The following TMEM245 variants were observed in gnomAD, a reference collection of about 807,000 sequenced individuals.
The protein encoded by TMEM245 is protein CG-2.
Under a neutral mutation model 101.2 loss-of-function variants are expected in TMEM245, and 69 were observed. That is an observed-to-expected ratio of 0.68 (90% CI 0.56 to 0.83). The LOEUF (loss-of-function observed/expected upper bound fraction) is 0.83. Among genes scored for constraint, TMEM245 ranks in the 40% least tolerant of loss-of-function variants. The probability of loss-of-function intolerance (pLI) is 0.00; values close to 1 mark genes in which losing one functional copy is unlikely to be tolerated. For missense variants in TMEM245, 1,075 were observed against 1,092.8 expected (o/e 0.98, Z 0.23); for synonymous variants, 537 against 449.8 (o/e 1.19, Z -2.45).
Position 109,119,941 on chromosome 9 carries a change from G to T in TMEM245, c.-28C>A. ...TTCCTCCGCCACAGCCGCCCCCGAG[G>T]GGCGGTAATGGGAGTCGGGCTAGAA... On this transcript the variant is annotated 5_prime_UTR_variant, in exon 1 of 18. Coordinates refer to ENST00000374586, the MANE Select transcript of TMEM245 (RefSeq NM_032012.4). The T allele has an allele frequency of 1.5e-6, 2 of 1,291,748 alleles. No individual in the cohort carries two copies. Among genetic ancestry groups the T allele is most frequent in the South Asian group, 3.1e-5 (1 of 32,666 alleles). The allele number at this position is 1,291,748 out of a possible 1,614,324, so 80.0% of individuals were successfully genotyped here. A position where few individuals can be genotyped will look rare whatever the true frequency, so the allele number is the denominator to read the frequency against.
intron 3 of TMEM245, among the ~76,000 whole-genome samples, chr9:109,103,624 A>G (rs1411304241): frequency 6.6e-6 from 1 of 152,190 alleles, no homozygotes; most frequent in Non-Finnish European, 1.5e-5. Context: ...AGTGAGACAA[A>G]CTAGGCACAG....
chr9:109,069,333 G>A (rs1365901333), intron 9 of TMEM245, among the ~76,000 whole-genome samples: 1 of 152,104 alleles, frequency 6.6e-6, no homozygotes, highest in Non-Finnish European at 1.5e-5. Flanking sequence ...CTGAGGCTGA[G>A]CCCTAGAGGA....
intron 3 of TMEM245, among the ~76,000 whole-genome samples, chr9:109,099,400 T>A (rs999519923): frequency 6.6e-6 from 1 of 152,212 alleles, no homozygotes; most frequent in Admixed American, 6.5e-5. Context: ...CTATCAGGAT[T>A]CATCTCTGCA....
At chr9:109,102,830 G>C (rs917707328) in intron 3 of TMEM245, among the ~76,000 whole-genome samples, 1 of 152,204 alleles carries the variant, frequency 6.6e-6, no homozygotes, top group Non-Finnish European at 1.5e-5. Context: ...ATCGCCATCA[G>C]AAAGAAGCAA....
chr9:109,049,413 C>T (rs985000918), intron 14 of TMEM245, among the ~76,000 whole-genome samples: 3 of 152,150 alleles, frequency 2.0e-5, no homozygotes, highest in Admixed American at 1.3e-4. Flanking sequence ...CAAGGTCTCG[C>T]TATGCTGCCC....
chr9:109,062,286 C>T (rs1829039923), intron 10 of TMEM245, among the ~76,000 whole-genome samples: 2 of 152,218 alleles, frequency 1.3e-5, no homozygotes, highest in Non-Finnish European at 2.9e-5. Flanking sequence ...CATGAGCCAC[C>T]ACACCCAGCC....
chr9:109,087,403 A>G, intron 5 of TMEM245, 61 bp from the exon 6 acceptor site: 1 of 1,441,414 alleles, frequency 6.9e-7, no homozygotes, highest in South Asian at 1.4e-5. Flanking sequence ...TGTAACATGA[A>G]AAGGTACCTT....
intron 17 of TMEM245, among the ~76,000 whole-genome samples, chr9:109,030,852 G>C (rs1827924124): frequency 2.0e-5 from 3 of 152,126 alleles, no homozygotes; most frequent in Admixed American, 6.5e-5. Context: ...TGAGTTAAAG[G>C]ACAATGTCTC....
rs1448676113 is a variant in TMEM245 at position 109,049,636 on chromosome 9, G to C, written c.2123+647C>G. Among the ~76,000 whole-genome samples the C allele has an allele frequency of 5.3e-5, 8 of 152,232 alleles. No individual in the cohort carries two copies. The East Asian group carries it at 1.6e-3, about 30-fold the overall frequency. The stretch of plus-strand genomic sequence containing the variant: ...AAGGTTAGGAGTTTGAGACCAGCCT[G>C]GCCAACATGGTAAAACCTCATCTCT... On this transcript the variant is annotated intron_variant, in intron 14 of 17. Transcript: ENST00000374586.
intron 4 of TMEM245, among the ~76,000 whole-genome samples, chr9:109,092,601 A>G (rs900570997): frequency 1.3e-5 from 2 of 152,260 alleles, no homozygotes; most frequent in African/African-American, 4.8e-5. Flanking sequence ...ACATAATTCC[A>G]TGTGCAAGAA....
At chr9:109,028,450 A>G (rs113092794) in intron 17 of TMEM245, among the ~76,000 whole-genome samples, 22,171 of 88,214 alleles carry the variant, frequency 0.25, 1,896 homozygotes, top group South Asian at 0.32. Flanking sequence ...GTGACACTCC[A>G]TCTCAAAAAA....
At chr9:109,101,270 A>C (rs1830274645) in intron 3 of TMEM245, among the ~76,000 whole-genome samples, 1 of 152,222 alleles carries the variant, frequency 6.6e-6, no homozygotes, top group South Asian at 2.1e-4. Flanking sequence ...GACATAGAGA[A>C]AGATACCCAC....
At chr9:109,029,923 T>C (rs1161837422) in intron 17 of TMEM245, among the ~76,000 whole-genome samples, 1 of 152,162 alleles carries the variant, frequency 6.6e-6, no homozygotes, top group Non-Finnish European at 1.5e-5. Context: ...AAAACCAGTA[T>C]CTTTATTAAT....
At chr9:109,053,164 A>C (rs976228661) in intron 12 of TMEM245, among the ~76,000 whole-genome samples, 1 of 152,172 alleles carries the variant, frequency 6.6e-6, no homozygotes, top group Non-Finnish European at 1.5e-5. Context: ...GGTGGCTCAC[A>C]CCTGTAATCT....
At position 109,016,360 on chromosome 9, in the gene TMEM245, A is replaced by G. The variant is rs996042194; in HGVS notation, c.*4100T>C. 6.6e-6 allele frequency: 1 copy of G among 152,072 alleles called. No homozygotes were observed. Among genetic ancestry groups the G allele is most frequent in the East Asian group, 1.9e-4 (1 of 5,190 alleles). The allele number at this position is 152,072 out of a possible 1,614,324, so 9.4% of individuals were successfully genotyped here. ...TTGGAACTACTGCTATATGGAACAC[A>G]TTTTGCCAAAAGCTGCTCAACCATG... On this transcript the variant is annotated 3_prime_UTR_variant, in exon 18 of 18. Coordinates refer to ENST00000374586, the MANE Select transcript of TMEM245 (RefSeq NM_032012.4).
intron 4 of TMEM245, 79 bp from the exon 5 acceptor site, chr9:109,091,234 A>G: frequency 7.9e-7 from 1 of 1,259,900 alleles, no homozygotes; most frequent in Non-Finnish European, 1.1e-6. Context: ...TCATTAGGCT[A>G]GCCTGTTTCA....
chr9:109,090,176 G>C (rs1038401557), intron 5 of TMEM245, among the ~76,000 whole-genome samples: 11 of 152,102 alleles, frequency 7.2e-5, no homozygotes, highest in African/African-American at 2.7e-4. Context: ...TGGGAGAATT[G>C]CTTGAACCCA....
chr9:109,022,983 C>T (rs138767016), intron 17 of TMEM245, among the ~76,000 whole-genome samples: 15 of 152,304 alleles, frequency 9.8e-5, no homozygotes, highest in African/African-American at 3.6e-4. Context: ...AAGATTAAGG[C>T]TATGGTTAGC....
At chr9:109,118,425 C>G (rs1310521548) in intron 1 of TMEM245, among the ~76,000 whole-genome samples, 1 of 152,174 alleles carries the variant, frequency 6.6e-6, no homozygotes, top group Non-Finnish European at 1.5e-5. Flanking sequence ...GGCATTCTTA[C>G]GCACTAAATC....
Sources: gnomAD v4.1 joint callset for allele counts (sites outside exome capture counted in the v4.1 genomes callset) on GRCh38, gnomAD v4.1.1 for gene constraint, MANE v1.5 for transcripts, NCBI Gene and HGNC (gene_info 2026-07-23, HGNC 2026-07-21) for gene names.